Variants in CDKL1 observed in about 807,000 individuals in gnomAD.
The protein encoded by CDKL1 is cyclin dependent kinase like 1.
Under a neutral mutation model 42.0 loss-of-function variants are expected in CDKL1, and 41 were observed. The ratio of observed to expected loss-of-function variants is 0.98; its 90% CI spans 0.76 to 1.27. The LOEUF (loss-of-function observed/expected upper bound fraction) is 1.27, where lower values mean the gene tolerates loss of function less well. CDKL1 is among the 50% of genes most tolerant of loss of function. CDKL1 has a pLI of 0.00. For synonymous variants in CDKL1, 153 were observed against 158.6 expected, an observed-to-expected ratio of 0.96 and a Z score of 0.26; for missense variants, 394 against 428.4, an observed-to-expected ratio of 0.92 and a Z score of 0.71.
chr14:50,377,346 G>A (rs572152990), intron 2 of CDKL1, among the ~76,000 whole-genome samples: 11 of 152,256 alleles, frequency 7.2e-5, no homozygotes, highest in South Asian at 4.1e-4. Context: ...CCTCTCTTCC[G>A]TTCCTTGGGC....
chr14:50,376,843 C>T (rs749992988), intron 2 of CDKL1, among the ~76,000 whole-genome samples: 5 of 151,942 alleles, frequency 3.3e-5, no homozygotes, highest in African/African-American at 4.8e-5. Flanking sequence ...TATTCAAGCA[C>T]CCAGATGTTG....
rs367623195 is a variant in CDKL1, at chr14:50,344,659, A to T, written c.363+327T>A. ...TCATTTTTTTTTATTTTCTGTAGAG[A>T]CAGGGTTTTGCCATGTTGTCCAGGC... On this transcript the variant is annotated intron_variant, in intron 4 of 9. Transcript: ENST00000395834. 8.5e-4 allele frequency among the ~76,000 whole-genome samples: 129 copies of T among 151,824 alleles called. 5 individuals are homozygous for T. The South Asian group carries it at 0.025, about 30-fold the overall frequency.
At chr14:50,392,147 G>A (rs2035275574) in intron 2 of CDKL1, among the ~76,000 whole-genome samples, 1 of 152,080 alleles carries the variant, frequency 6.6e-6, no homozygotes, top group Non-Finnish European at 1.5e-5. Context: ...TCTTCACTAA[G>A]CTTTTAAGAA....
chr14:50,376,448 T>C (rs1316108643), intron 2 of CDKL1: 8 of 469,162 alleles, frequency 1.7e-5, no homozygotes, highest in Admixed American at 1.7e-4. Context: ...TGAAACAACA[T>C]GAACATCCTG....
At chr14:50,377,536 G>T in intron 2 of CDKL1, 1 of 1,294,114 alleles carries the variant, frequency 7.7e-7, no homozygotes, top group South Asian at 1.3e-5. Context: ...TAAGACCATT[G>T]GTACCTGAAG....
In CDKL1 at chr14:50,374,430, A is replaced by G. The variant is rs566879477; in HGVS notation, c.169-15281T>C. Among the ~76,000 whole-genome samples the G allele has an allele frequency of 5.9e-5, 9 of 152,366 alleles. No homozygotes were observed. The South Asian group carries it at 1.9e-3, about 32-fold the overall frequency. On this transcript the variant is annotated intron_variant, in intron 2 of 9. Transcript: ENST00000395834. Reference sequence around the variant, plus strand: ...CTTAAGATATGCAAAGTGTTAAAAAATCATGTAGGAGGTTGGGGAATCCTA... The same window carrying G: ...CTTAAGATATGCAAAGTGTTAAAAAGTCATGTAGGAGGTTGGGGAATCCTA...
rs776075363 is a variant in CDKL1, at chr14:50,358,728, C to T, written c.290+300G>A. Among the ~76,000 whole-genome samples, 101 of 146,930 alleles carry T rather than the reference C, an allele frequency of 6.9e-4. 1 individual carries two copies. Among genetic ancestry groups the T allele is most frequent in the Admixed American group, 1.2e-3 (17 of 14,326 alleles). ...AATCTTGGCTCACTGCAACCTCCGC[C>T]TCCCAAGTTCAAGCGATTCTCCTGC... On this transcript the variant is annotated intron_variant, in intron 3 of 9. Transcript: ENST00000395834.
intron 2 of CDKL1, among the ~76,000 whole-genome samples, chr14:50,387,398 C>A (rs897562270): frequency 6.6e-6 from 1 of 151,934 alleles, no homozygotes; most frequent in Admixed American, 6.6e-5. Context: ...TAGTGGGCAC[C>A]TGTAATCCCA....
intron 1 of CDKL1, 163 bp downstream of exon 1, chr14:50,396,661 G>A (rs2035417641): frequency 2.2e-5 from 4 of 182,344 alleles, no homozygotes; most frequent in African/African-American, 4.8e-5. Flanking sequence ...GCGGCGGCGA[G>A]GCTTGGCCGC....
intron 3 of CDKL1, among the ~76,000 whole-genome samples, chr14:50,355,067 TC>T (rs1209246304): frequency 2.0e-5 from 3 of 152,072 alleles, no homozygotes; most frequent in African/African-American, 7.2e-5. Flanking sequence ...TAATTTTTTT[TC>T]ATTTGACAAC....
chr14:50,348,919 G>A (rs954386071), intron 3 of CDKL1, among the ~76,000 whole-genome samples: 1 of 152,080 alleles, frequency 6.6e-6, no homozygotes, highest in Non-Finnish European at 1.5e-5. Flanking sequence ...AAGAAAATGG[G>A]AGGACCAGTT....
chr14:50,343,155 C>CTTTTTTTTTTTTTT (rs3049935), intron 4 of CDKL1: 1 of 258,110 alleles, frequency 3.9e-6, no homozygotes, highest in Non-Finnish European at 6.6e-6. Flanking sequence ...TTAAGAGTTA[C>CTTTTTTTTTTTTTT]TTTTTTTTTT....
intron 2 of CDKL1, among the ~76,000 whole-genome samples, chr14:50,377,933 G>A (rs2034782381): frequency 6.6e-6 from 1 of 152,182 alleles, no homozygotes; most frequent in Non-Finnish European, 1.5e-5. Context: ...AGGACAGACT[G>A]TGCCAAAAAA....
In CDKL1 at chr14:50,338,719, C is replaced by A. The variant is rs138877367; in HGVS notation, c.738+228G>T. On this transcript the variant is annotated intron_variant, in intron 7 of 9. Transcript: ENST00000395834. The stretch of plus-strand genomic sequence containing the variant: ...TGATAAAGGACAGGTGTGGCTCCAG[C>A]AGGCAGGCAGCGCTGCCTTCCTATG... 1.2e-4 allele frequency among the ~76,000 whole-genome samples: 19 copies of A among 152,334 alleles called. No individual in the cohort carries two copies. In the East Asian group the frequency reaches 3.7e-3, roughly 29 times the overall value.
At chr14:50,362,187 G>A (rs1387541476) in intron 2 of CDKL1, 1 of 14,510 alleles carries the variant, frequency 6.9e-5, no homozygotes. Flanking sequence ...CACCCCCACC[G>A]TGGGCTCCTG....
rs758119670 is a variant in CDKL1, at chr14:50,357,998, T to A, written c.290+1030A>T. 3 of 1,304,086 alleles carry A rather than the reference T, an allele frequency of 2.3e-6. No homozygotes were observed. The South Asian group carries it at 3.5e-5, about 15-fold the overall frequency. 80.8% of individuals were successfully genotyped at this position (1,304,086 alleles called of 1,614,324 possible). ...TGAAAACACCCAGCTGAGGAGTGGG[T>A]GGGAGCTGGAATCCAGTCCTCTCAC... On this transcript the variant is annotated intron_variant, in intron 3 of 9. Transcript: ENST00000395834.
intron 2 of CDKL1, among the ~76,000 whole-genome samples, chr14:50,392,850 G>T (rs376100140): frequency 5.3e-5 from 8 of 152,100 alleles, no homozygotes; most frequent in African/African-American, 1.9e-4. Flanking sequence ...CTATCACAGT[G>T]AACAATCTCC....
At chr14:50,345,841 C>G (rs2033707709) in intron 3 of CDKL1, among the ~76,000 whole-genome samples, 1 of 152,198 alleles carries the variant, frequency 6.6e-6, no homozygotes. Flanking sequence ...AGTACTTCTT[C>G]CCTGACTCAC....
At chr14:50,384,720 G>A (rs983527161) in intron 2 of CDKL1, among the ~76,000 whole-genome samples, 9 of 150,646 alleles carry the variant, frequency 6.0e-5, no homozygotes, top group Non-Finnish European at 1.2e-4. Context: ...TAACTAATGA[G>A]TGTAGAAAGA....
Sources: gnomAD v4.1 joint callset for allele counts (sites outside exome capture counted in the v4.1 genomes callset) on GRCh38, gnomAD v4.1.1 for gene constraint, MANE v1.5 for transcripts, NCBI Gene and HGNC (gene_info 2026-07-23, HGNC 2026-07-21) for gene names.